The following CPNE8 variants were observed in gnomAD, a reference collection of about 807,000 sequenced individuals.
The protein encoded by CPNE8 is copine-8.
A neutral mutation model predicts 81.5 loss-of-function variants in CPNE8; 45 were observed. That is an observed-to-expected ratio of 0.55 (90% CI 0.44 to 0.71). The LOEUF is 0.71. Ranked by LOEUF, CPNE8 falls within the 30% of genes least tolerant of loss-of-function variation. The pLI is 0.00. For synonymous variants in CPNE8, 252 were observed against 226.3 expected (o/e 1.11, Z -1.02); for missense variants, 594 against 672.1 (o/e 0.88, Z 1.28).
intron 8 of CPNE8, among the ~76,000 whole-genome samples, chr12:38,765,782 T>C (rs1412142029): frequency 6.6e-6 from 1 of 152,212 alleles, no homozygotes; most frequent in Non-Finnish European, 1.5e-5. Context: ...AAAATAGTTT[T>C]TTCAAATTAG....
At chr12:38,718,725 C>T (rs1940473168) in intron 13 of CPNE8, among the ~76,000 whole-genome samples, 3 of 152,072 alleles carry the variant, frequency 2.0e-5, no homozygotes, top group Non-Finnish European at 2.9e-5. Flanking sequence ...CATATCTATA[C>T]ACAAATGCAC....
At chr12:38,833,383 G>C (rs1021792305) in intron 5 of CPNE8, among the ~76,000 whole-genome samples, 3 of 139,072 alleles carry the variant, frequency 2.2e-5, no homozygotes, top group South Asian at 2.3e-4. Flanking sequence ...GAAAAGAAAA[G>C]ATACCTTTGG....
intron 11 of CPNE8, among the ~76,000 whole-genome samples, chr12:38,725,399 T>C (rs190567420): frequency 6.6e-6 from 1 of 152,352 alleles, no homozygotes. Flanking sequence ...GTCTGCTTTG[T>C]AGACATAAGA....
chr12:38,803,744 G>A (rs914483725), intron 6 of CPNE8, among the ~76,000 whole-genome samples: 1 of 146,334 alleles, frequency 6.8e-6, no homozygotes, highest in East Asian at 2.1e-4. Context: ...CGACATGATT[G>A]TTTATCTAGA....
intron 6 of CPNE8, among the ~76,000 whole-genome samples, chr12:38,795,973 G>A (rs963564527): frequency 5.9e-5 from 9 of 152,052 alleles, no homozygotes; most frequent in African/African-American, 2.2e-4. Context: ...TTAAAATCCT[G>A]AACTCAGGCC....
intron 6 of CPNE8, among the ~76,000 whole-genome samples, chr12:38,818,546 G>A (rs772297888): frequency 2.6e-5 from 4 of 152,078 alleles, no homozygotes; most frequent in Non-Finnish European, 4.4e-5. Flanking sequence ...TGGGCATTTC[G>A]GTTGGTTCCA....
intron 6 of CPNE8, among the ~76,000 whole-genome samples, chr12:38,794,069 G>A (rs1190674627): frequency 6.6e-6 from 1 of 151,972 alleles, no homozygotes; most frequent in Admixed American, 6.6e-5. Context: ...AAACTCAAAT[G>A]GATTAAAGAC....
intron 6 of CPNE8, among the ~76,000 whole-genome samples, chr12:38,788,000 C>T (rs1942235799): frequency 1.4e-5 from 2 of 137,948 alleles, no homozygotes; most frequent in Non-Finnish European, 3.1e-5. Flanking sequence ...AAGCCCAGGA[C>T]CCAATGGCTT....
At chr12:38,752,356 ATATC>A (rs1941367712) in intron 10 of CPNE8, among the ~76,000 whole-genome samples, 1 of 152,136 alleles carries the variant, frequency 6.6e-6, no homozygotes, top group Admixed American at 6.5e-5. Context: ...AAATACAAAG[ATATC>A]TATCTACCCT....
At chr12:38,859,336 C>A (rs530254992) in intron 3 of CPNE8, among the ~76,000 whole-genome samples, 5 of 152,162 alleles carry the variant, frequency 3.3e-5, no homozygotes, top group South Asian at 2.1e-4. Flanking sequence ...GAGATAATTT[C>A]TTTCTAACAG....
intron 3 of CPNE8, among the ~76,000 whole-genome samples, chr12:38,865,215 T>C (rs1197918649): frequency 6.6e-6 from 1 of 152,206 alleles, no homozygotes; most frequent in Non-Finnish European, 1.5e-5. Context: ...TGGAAAGTTA[T>C]GGAAAACCAT....
At chr12:38,683,852 C>G (rs534732382) in intron 16 of CPNE8, among the ~76,000 whole-genome samples, 27 of 152,036 alleles carry the variant, frequency 1.8e-4, no homozygotes, top group African/African-American at 5.1e-4. Flanking sequence ...CTCCTATATT[C>G]AAGAACTTAC....
Position 38,742,911 on chromosome 12 carries a change from CATGTTT to C in CPNE8, c.723-12559_723-12554del, listed in dbSNP as rs1565593794. The stretch of plus-strand genomic sequence containing the variant: ...GTAGCATGATCCGTAAACATTTTTT[CATGTTT>C]ATAATAGTTTATTTCATGTGTGCAT... On this transcript the variant is annotated intron_variant, in intron 10 of 19. Coordinates refer to ENST00000331366, the MANE Select transcript of CPNE8 (RefSeq NM_153634.3). Among the ~76,000 whole-genome samples the C allele has an allele frequency of 2.0e-5, 3 of 151,850 alleles. No individual in the cohort carries two copies. In the South Asian group the frequency reaches 6.2e-4, roughly 32 times the overall value.
intron 6 of CPNE8, among the ~76,000 whole-genome samples, chr12:38,777,967 G>A (rs370082069): frequency 6.6e-6 from 1 of 152,230 alleles, no homozygotes; most frequent in East Asian, 1.9e-4. Flanking sequence ...GACCTAAGTT[G>A]CATATGCTTC....
intron 10 of CPNE8, among the ~76,000 whole-genome samples, chr12:38,756,862 G>A (rs1941472234): frequency 6.6e-6 from 1 of 152,174 alleles, no homozygotes; most frequent in African/African-American, 2.4e-5. Flanking sequence ...AGTCTGAATT[G>A]AGATGTGCTG....
intron 6 of CPNE8, among the ~76,000 whole-genome samples, chr12:38,787,472 G>T (rs1183389143): frequency 6.8e-6 from 1 of 146,138 alleles, no homozygotes; most frequent in Admixed American, 6.8e-5. Context: ...GTTTATAGCT[G>T]TAAGTGCTTC....
At chr12:38,817,713 T>G (rs1359895901) in intron 6 of CPNE8, among the ~76,000 whole-genome samples, 1 of 133,940 alleles carries the variant, frequency 7.5e-6, no homozygotes, top group Admixed American at 8.9e-5. Context: ...AAGCTCCGCC[T>G]CCTGGGTTCA....
chr12:38,714,373 C>A (rs530921413), intron 13 of CPNE8, among the ~76,000 whole-genome samples: 19 of 151,862 alleles, frequency 1.3e-4, no homozygotes, highest in African/African-American at 4.1e-4. Context: ...TTTAGGTAGA[C>A]AATTGTATTC....
chr12:38,737,116 G>A (rs1940973842), intron 10 of CPNE8, among the ~76,000 whole-genome samples: 1 of 151,122 alleles, frequency 6.6e-6, no homozygotes, highest in African/African-American at 2.4e-5. Flanking sequence ...CAGAGTAATG[G>A]GAATTAATAA....
Sources: gnomAD v4.1 joint callset for allele counts (sites outside exome capture counted in the v4.1 genomes callset) on GRCh38, gnomAD v4.1.1 for gene constraint, MANE v1.5 for transcripts, NCBI Gene and HGNC (gene_info 2026-07-23, HGNC 2026-07-21) for gene names.